Variants in EDN1 observed in about 807,000 individuals in gnomAD.
The protein encoded by EDN1 is endothelin 1.
EDN1 carries 11 observed loss-of-function variants against 21.7 expected under a neutral mutation model. The observed-to-expected ratio is 0.51, with a 90% CI of 0.32 to 0.84. The LOEUF (loss-of-function observed/expected upper bound fraction) is 0.84. Among genes scored for constraint, EDN1 ranks in the 40% least tolerant of loss-of-function variants. The probability of loss-of-function intolerance (pLI) is 0.03; values close to 1 mark genes in which losing one functional copy is unlikely to be tolerated. For missense variants in EDN1, 244 were observed against 262.3 expected, an observed-to-expected ratio of 0.93 and a Z score of 0.48; for synonymous variants, 85 against 90.6, an observed-to-expected ratio of 0.94 and a Z score of 0.35.
the EDN1 span, among the ~76,000 whole-genome samples, chr6:12,270,275 T>C: frequency 3.4e-4 from 52 of 152,178 alleles, no homozygotes; most frequent in Non-Finnish European, 6.2e-4. Flanking sequence ...CTCTATTTTG[T>C]TTATTGTTGC....
Position 12,297,057 on chromosome 6 carries a change from T to C in EDN1, c.*990T>C, listed in dbSNP as rs1449154876. 6.6e-6 allele frequency: 1 copy of C among 152,256 alleles called. No homozygotes were observed. The highest frequency in any genetic ancestry group is 1.5e-5 in the Non-Finnish European group (1 of 68,054). The allele number at this position is 152,256 out of a possible 1,614,324, so 9.4% of individuals were successfully genotyped here. A position where few individuals can be genotyped will look rare whatever the true frequency, so the allele number is the denominator to read the frequency against. On this transcript the variant is annotated 3_prime_UTR_variant, in exon 5 of 5. Coordinates refer to ENST00000379375, the MANE Select transcript of EDN1 (RefSeq NM_001955.5). Reference sequence around the variant, plus strand: ...AACAATTTATTCCTTATATTTACCATGTTAAATATCTGTTTGGGCAGGCCA... The same window carrying C: ...AACAATTTATTCCTTATATTTACCACGTTAAATATCTGTTTGGGCAGGCCA...
the EDN1 span, among the ~76,000 whole-genome samples, chr6:12,265,690 A>T: frequency 1.1e-3 from 174 of 152,266 alleles, 1 homozygote; most frequent in African/African-American, 4.1e-3. Context: ...GCCCTAATAA[A>T]CTCACACACG....
chr6:12,287,509 T>G (rs1378814746), upstream of EDN1, among the ~76,000 whole-genome samples: 1 of 152,068 alleles, frequency 6.6e-6, no homozygotes, highest in Admixed American at 6.5e-5. Context: ...CCTAGCTGCC[T>G]TCTGTGGGCT....
intron 2 of EDN1, among the ~76,000 whole-genome samples, chr6:12,293,186 C>A (rs1762729227): frequency 6.6e-6 from 1 of 152,206 alleles, no homozygotes; most frequent in Admixed American, 6.5e-5. Flanking sequence ...CATAAACAAG[C>A]ACACATTTAC....
the EDN1 span, among the ~76,000 whole-genome samples, chr6:12,239,024 A>G: frequency 1.3e-5 from 2 of 152,218 alleles, no homozygotes; most frequent in Non-Finnish European, 2.9e-5. Flanking sequence ...CAACTTCTTC[A>G]GTATAAATTA....
chr6:12,256,757 T>C, the EDN1 span, among the ~76,000 whole-genome samples: 1 of 152,216 alleles, frequency 6.6e-6, no homozygotes, highest in Non-Finnish European at 1.5e-5. Flanking sequence ...AAGGATAGAA[T>C]TAGATTGTAT....
At chr6:12,275,004 C>CCCTT in the EDN1 span, among the ~76,000 whole-genome samples, 1,672 of 140,444 alleles carry the variant, frequency 0.012, 37 homozygotes, top group African/African-American at 0.044. Flanking sequence ...CTCCCTCCCT[C>CCCTT]CCTTCCTTCC....
chr6:12,291,050 G>C (rs968731244), intron 1 of EDN1, among the ~76,000 whole-genome samples: 1 of 152,068 alleles, frequency 6.6e-6, no homozygotes, highest in African/African-American at 2.4e-5. Flanking sequence ...AGGTACACAG[G>C]CCATATAGGA....
Position 12,292,679 on chromosome 6 carries a change from T to A in EDN1, c.233+170T>A, listed in dbSNP as rs145410838. 3.0e-3 allele frequency among the ~76,000 whole-genome samples: 458 copies of A among 152,250 alleles called. 2 individuals are homozygous for A. Among genetic ancestry groups the A allele is most frequent in the Non-Finnish European group, 4.9e-3 (333 of 68,014 alleles). On this transcript the variant is annotated intron_variant, in intron 2 of 4. Coordinates refer to ENST00000379375, the MANE Select transcript of EDN1 (RefSeq NM_001955.5). ...ATTCCTGAAAATAACGACAGCTTCG[T>A]TCTTAGCAACCAAGGGGAGGGTCTT...
At chr6:12,231,550 G>A in the EDN1 span, among the ~76,000 whole-genome samples, 88 of 152,146 alleles carry the variant, frequency 5.8e-4, no homozygotes, top group East Asian at 0.014. Context: ...TTCCAGGGTC[G>A]TGCTCTGAAC....
At chr6:12,230,669 C>A in the EDN1 span, among the ~76,000 whole-genome samples, 8 of 152,244 alleles carry the variant, frequency 5.3e-5, no homozygotes, top group Middle Eastern at 3.4e-3. Flanking sequence ...CCTTGTTTGA[C>A]CTCAGGTAGG....
upstream of EDN1, among the ~76,000 whole-genome samples, chr6:12,288,092 G>T (rs1365613927): frequency 2.6e-5 from 4 of 152,082 alleles, no homozygotes; most frequent in Non-Finnish European, 5.9e-5. Context: ...GGCGTGGAGT[G>T]GGGTGGGAGA....
the EDN1 span, among the ~76,000 whole-genome samples, chr6:12,249,913 G>A: frequency 6.6e-6 from 1 of 151,982 alleles, no homozygotes; most frequent in Non-Finnish European, 1.5e-5. Context: ...CCAGAACCAC[G>A]CTCACCTGTG....
the EDN1 span, among the ~76,000 whole-genome samples, chr6:12,244,238 C>T: frequency 6.6e-6 from 1 of 152,110 alleles, no homozygotes; most frequent in South Asian, 2.1e-4. Flanking sequence ...TTATATTTTC[C>T]TATGGATCTT....
At chr6:12,263,391 T>A in the EDN1 span, among the ~76,000 whole-genome samples, 1 of 152,170 alleles carries the variant, frequency 6.6e-6, no homozygotes, top group Admixed American at 6.5e-5. Flanking sequence ...AAAAAGTGGG[T>A]GTACAAATGC....
Position 12,294,386 on chromosome 6 carries a change from A to G in EDN1, c.515A>G (p.Glu172Gly), listed in dbSNP as rs765372578. ...RGRKIRRSSE[E>G]HLRQTRSETM... ...AGAAAAATCAGAAGAAGTTCAGAGG[A>G]ACACCTAAGACAAACCAGGTAAGAG... is the stretch of plus-strand genomic sequence containing the variant. Residue 172 changes from glutamate to glycine, a missense_variant, in exon 4 of 5, where the codon GAA (glutamate) becomes GGA (glycine). Coordinates refer to ENST00000379375, the MANE Select transcript of EDN1 (RefSeq NM_001955.5). 13 of 1,614,074 alleles carry G rather than the reference A, an allele frequency of 8.1e-6. No individual in the cohort carries two copies. The Admixed American group carries it at 2.0e-4, about 25-fold the overall frequency.
the EDN1 span, among the ~76,000 whole-genome samples, chr6:12,280,421 T>C: frequency 6.6e-6 from 1 of 152,240 alleles, no homozygotes; most frequent in Non-Finnish European, 1.5e-5. Flanking sequence ...AATAAGCTTT[T>C]ATATGCACTA....
At chr6:12,269,032 G>A in the EDN1 span, among the ~76,000 whole-genome samples, 1 of 151,950 alleles carries the variant, frequency 6.6e-6, no homozygotes, top group African/African-American at 2.4e-5. Flanking sequence ...AGGTTTTATT[G>A]TAAAGAGTTT....
At chr6:12,274,442 A>G in the EDN1 span, among the ~76,000 whole-genome samples, 1 of 152,346 alleles carries the variant, frequency 6.6e-6, no homozygotes. Context: ...CCTCAGTAAT[A>G]GCACATACCT....
Sources: gnomAD v4.1 joint callset for allele counts (sites outside exome capture counted in the v4.1 genomes callset) on GRCh38, gnomAD v4.1.1 for gene constraint, MANE v1.5 for transcripts, NCBI Gene and HGNC (gene_info 2026-07-23, HGNC 2026-07-21) for gene names.